The following KIAA1217 variants were observed in gnomAD, a reference collection of about 807,000 sequenced individuals.
KIAA1217 encodes the protein sickle tail protein homolog.
A neutral mutation model predicts 163.9 loss-of-function variants in KIAA1217; 88 were observed. The ratio of observed to expected loss-of-function variants is 0.54; its 90% CI spans 0.45 to 0.64. The LOEUF is 0.64. Ranked by LOEUF, KIAA1217 falls within the 30% of genes least tolerant of loss-of-function variation. KIAA1217 has a pLI of 0.00. For synonymous variants in KIAA1217, 903 were observed against 923.1 expected, an observed-to-expected ratio of 0.98 and a Z score of 0.39; for missense variants, 2,372 against 2,475.0, an observed-to-expected ratio of 0.96 and a Z score of 0.88.
At chr10:24,217,517 G>T (rs1203869940) in intron 1 of KIAA1217, among the ~76,000 whole-genome samples, 2 of 152,154 alleles carry the variant, frequency 1.3e-5, no homozygotes, top group Admixed American at 1.3e-4. Context: ...ACACATCAAG[G>T]GTTAGAAGAC....
At chr10:23,757,180 A>G (rs1037779571) in intron 1 of KIAA1217, among the ~76,000 whole-genome samples, 2 of 152,104 alleles carry the variant, frequency 1.3e-5, no homozygotes, top group Non-Finnish European at 2.9e-5. Context: ...TTCTATGAAC[A>G]TGTCTGTGGA....
At chr10:23,856,265 C>T (rs1052657319) in intron 1 of KIAA1217, among the ~76,000 whole-genome samples, 1 of 152,220 alleles carries the variant, frequency 6.6e-6, no homozygotes, top group African/African-American at 2.4e-5. Flanking sequence ...TTGGAGTTTG[C>T]TAGAGGTCCA....
intron 2 of KIAA1217, among the ~76,000 whole-genome samples, chr10:24,286,109 T>C (rs975470197): frequency 2.0e-5 from 3 of 152,200 alleles, no homozygotes; most frequent in Non-Finnish European, 4.4e-5. Context: ...AGGAGCCTTT[T>C]GGCAAAGTCT....
At chr10:24,337,624 TC>T (rs1475334552) in intron 2 of KIAA1217, among the ~76,000 whole-genome samples, 3 of 60,500 alleles carry the variant, frequency 5.0e-5, no homozygotes, top group African/African-American at 8.2e-5. Context: ...TCTTTTCTTT[TC>T]TTTTCTTTTC....
chr10:24,299,651 T>A (rs1054336629), intron 2 of KIAA1217, among the ~76,000 whole-genome samples: 5 of 152,186 alleles, frequency 3.3e-5, no homozygotes, highest in African/African-American at 1.2e-4. Flanking sequence ...CTTCTCACCT[T>A]GGCCTCCCAA....
chr10:23,851,198 G>T (rs896409663), intron 1 of KIAA1217, among the ~76,000 whole-genome samples: 28 of 151,944 alleles, frequency 1.8e-4, no homozygotes, highest in Non-Finnish European at 7.4e-5. Context: ...AGAGTGTGAT[G>T]TTCCCCTTCC....
Position 24,224,655 on chromosome 10 carries a change from G to A in KIAA1217, c.354+4746G>A, listed in dbSNP as rs78649271. Among the ~76,000 whole-genome samples the A allele has an allele frequency of 3.5e-3, 535 of 151,894 alleles. 13 individuals carry two copies. In the East Asian group the frequency reaches 0.053, roughly 15 times the overall value. ...AATCTTTCTCTGTTTCAGTTTCCTC[G>A]TTTGTCAAAGGAAAATAGTATCTAC... On this transcript the variant is annotated intron_variant, in intron 2 of 20. Transcript: ENST00000376454.
At chr10:24,002,622 C>T (rs1846796681) in intron 1 of KIAA1217, among the ~76,000 whole-genome samples, 1 of 152,068 alleles carries the variant, frequency 6.6e-6, no homozygotes, top group Admixed American at 6.6e-5. Flanking sequence ...TAACCCAAAC[C>T]CCTCTCTTTT....
At chr10:24,496,110 G>A (rs1410360617) in intron 8 of KIAA1217, among the ~76,000 whole-genome samples, 1 of 152,220 alleles carries the variant, frequency 6.6e-6, no homozygotes, top group East Asian at 1.9e-4. Flanking sequence ...CCAAATTTAG[G>A]GAAGCCACGT....
chr10:24,075,427 T>C (rs1437016240), intron 2 of KIAA1217, among the ~76,000 whole-genome samples: 2 of 152,156 alleles, frequency 1.3e-5, no homozygotes, highest in African/African-American at 4.8e-5. Context: ...TTTCCAGTTT[T>C]CTTTTTCCTT....
intron 2 of KIAA1217, among the ~76,000 whole-genome samples, chr10:24,200,879 T>G (rs1407054335): frequency 1.3e-5 from 2 of 152,126 alleles, no homozygotes; most frequent in African/African-American, 4.8e-5. Flanking sequence ...TAGTCCATTT[T>G]CCACACCAGT....
intron 2 of KIAA1217, among the ~76,000 whole-genome samples, chr10:24,163,686 A>G (rs1210790911): frequency 6.6e-6 from 1 of 152,226 alleles, no homozygotes; most frequent in Non-Finnish European, 1.5e-5. Context: ...ATTCATCTGT[A>G]AACCACATTA....
rs114968847 is a variant in KIAA1217, at chr10:23,845,216, T to G, written c.-321+149982T>G. 9.5e-4 allele frequency among the ~76,000 whole-genome samples: 144 copies of G among 152,336 alleles called. 1 individual carries two copies. The highest frequency in any genetic ancestry group is 3.2e-3 in the African/African-American group (135 of 41,574). On this transcript the variant is annotated intron_variant, in intron 1 of 18. Coordinates refer to the KIAA1217 transcript ENST00000376462. ...TAAACATACATGTGCATGGTCTTTA[T>G]AGTAGAATGATTTGTAATCCTTTGG...
intron 1 of KIAA1217, among the ~76,000 whole-genome samples, chr10:24,213,073 G>T (rs2068355796): frequency 6.6e-6 from 1 of 152,132 alleles, no homozygotes; most frequent in South Asian, 2.1e-4. Context: ...AGCTGTTTTG[G>T]CAAACTGGGG....
At chr10:24,200,442 C>T (rs2067202932) in intron 2 of KIAA1217, among the ~76,000 whole-genome samples, 1 of 152,092 alleles carries the variant, frequency 6.6e-6, no homozygotes, top group African/African-American at 2.4e-5. Context: ...CAAGAGTCAC[C>T]AAGCCACCAT....
chr10:23,859,107 T>A (rs1839840424), intron 1 of KIAA1217, among the ~76,000 whole-genome samples: 1 of 152,264 alleles, frequency 6.6e-6, no homozygotes, highest in Non-Finnish European at 1.5e-5. Flanking sequence ...AATGTGTGTG[T>A]GAACCCATAT....
At chr10:23,874,642 A>G (rs1840601483) in intron 1 of KIAA1217, among the ~76,000 whole-genome samples, 1 of 151,906 alleles carries the variant, frequency 6.6e-6, no homozygotes, top group South Asian at 2.1e-4. Context: ...TTTTTAAACC[A>G]CCTGATGCTG....
At chr10:24,239,309 C>A (rs2072720898) in intron 2 of KIAA1217, 3 of 985,162 alleles carry the variant, frequency 3.0e-6, no homozygotes, top group Non-Finnish European at 2.4e-6. Context: ...GCTTTAACTG[C>A]CGCCTCACCT....
chr10:24,357,519 T>G (rs552496361), intron 2 of KIAA1217, among the ~76,000 whole-genome samples: 1 of 152,294 alleles, frequency 6.6e-6, no homozygotes, highest in East Asian at 1.9e-4. Context: ...CAAAGCTTAA[T>G]TCCCCTGCAG....
Sources: gnomAD v4.1 joint callset for allele counts (sites outside exome capture counted in the v4.1 genomes callset) on GRCh38, gnomAD v4.1.1 for gene constraint, MANE v1.5 for transcripts, NCBI Gene and HGNC (gene_info 2026-07-23, HGNC 2026-07-21) for gene names.